TBC1D1: variants seen among roughly 807,000 people sequenced by gnomAD.
TBC1D1 encodes TBC1 (tre-2/USP6, BUB2, cdc16) domain family, member 1.
TBC1D1 carries 89 observed loss-of-function variants against 125.6 expected under a neutral mutation model. That is an observed-to-expected ratio of 0.71 (90% CI 0.60 to 0.85). The LOEUF is 0.85. Ranked by LOEUF, TBC1D1 falls within the 40% of genes least tolerant of loss-of-function variation. The pLI is 0.00. For synonymous variants in TBC1D1, 565 were observed against 564.1 expected, an observed-to-expected ratio of 1.00 and a Z score of -0.02; for missense variants, 1,377 against 1,469.2, an observed-to-expected ratio of 0.94 and a Z score of 1.03.
In TBC1D1 at chr4:37,952,392, T is replaced by C. The variant is rs529729258; in HGVS notation, c.417+49880T>C. The C allele has an allele frequency of 7.3e-4, 251 of 345,214 alleles. 3 individuals carry two copies. The highest frequency in any genetic ancestry group is 4.9e-3 in the African/African-American group (237 of 47,960). 21.4% of individuals were successfully genotyped at this position (345,214 alleles called of 1,614,324 possible). ...CTCAGTCAATCCAAGTGTCCATCAA[T>C]GGTAGACTGGATAAAGAAAATGTGG... On this transcript the variant is annotated intron_variant, in intron 2 of 19. Transcript: ENST00000261439.
At chr4:37,965,345 T>G (rs1380840740) in intron 2 of TBC1D1, among the ~76,000 whole-genome samples, 1 of 152,198 alleles carries the variant, frequency 6.6e-6, no homozygotes, top group African/African-American at 2.4e-5. Context: ...GTTTGCTGGT[T>G]TTAGCAGTGT....
intron 2 of TBC1D1, chr4:37,960,362 A>T: frequency 1.5e-6 from 2 of 1,334,464 alleles, no homozygotes; most frequent in South Asian, 2.8e-5. Flanking sequence ...ACTATAGTTA[A>T]CATTCTATCT....
rs397773449 is a variant in TBC1D1 at position 38,119,516 on chromosome 4, T to TA, written c.2962+1337dup. ...AGTTCATGAAGGTTTATACCATGGT[T>TA]AAAAAAAAAAAAAGATTAACTAAAA... On this transcript the variant is annotated intron_variant, in intron 17 of 19. Transcript: ENST00000261439. Among the ~76,000 whole-genome samples the TA allele has an allele frequency of 4.3e-3, 617 of 144,398 alleles. 2 individuals are homozygous for TA. The highest frequency in any genetic ancestry group is 0.014 in the Middle Eastern group (4 of 278). The allele number at this position is 144,398 out of a possible 152,430, so 94.7% of individuals were successfully genotyped here.
At chr4:38,079,012 G>A (rs1756084000) in intron 12 of TBC1D1, among the ~76,000 whole-genome samples, 1 of 152,130 alleles carries the variant, frequency 6.6e-6, no homozygotes, top group Non-Finnish European at 1.5e-5. Flanking sequence ...AAGCAGAAAG[G>A]CCCTGAGATA....
In TBC1D1 at chr4:37,968,169, G is replaced by A. The variant is rs560491236; in HGVS notation, c.418-46340G>A. Among the ~76,000 whole-genome samples the A allele has an allele frequency of 6.6e-5, 10 of 152,230 alleles. No individual in the cohort carries two copies. In the East Asian group the frequency reaches 1.7e-3, roughly 26 times the overall value. ...TGAATTGATTGCTAATGAAGAGATA[G>A]ACCTATGTCATAAGTAAATTTCTGT... On this transcript the variant is annotated intron_variant, in intron 2 of 19. Coordinates refer to ENST00000261439, the MANE Select transcript of TBC1D1 (RefSeq NM_015173.4).
At chr4:37,931,828 G>T (rs1369042496) in intron 2 of TBC1D1, among the ~76,000 whole-genome samples, 2 of 152,104 alleles carry the variant, frequency 1.3e-5, no homozygotes, top group African/African-American at 4.8e-5. Context: ...AAGAAGTTTT[G>T]CAAACTCATC....
chr4:37,982,711 A>AG lies in TBC1D1; in HGVS notation c.418-31797dup, dbSNP rs1734582956. On this transcript the variant is annotated intron_variant, in intron 2 of 19. Transcript: ENST00000261439. ...ACACAGCCCAGAGCAATGCCTGATG[A>AG]GAAAAAAAGATAAAGTATAATTTGT... Among the ~76,000 whole-genome samples the AG allele has an allele frequency of 2.6e-5, 4 of 152,362 alleles. No homozygotes were observed. The South Asian group carries it at 8.3e-4, about 32-fold the overall frequency.
At chr4:37,976,868 C>T (rs1254575699) in intron 2 of TBC1D1, among the ~76,000 whole-genome samples, 2 of 152,328 alleles carry the variant, frequency 1.3e-5, no homozygotes, top group East Asian at 3.9e-4. Context: ...GGCCGAGTTT[C>T]CTGACTCCAA....
At chr4:37,959,908 T>C (rs1382525912) in intron 2 of TBC1D1, among the ~76,000 whole-genome samples, 3 of 152,180 alleles carry the variant, frequency 2.0e-5, no homozygotes, top group Non-Finnish European at 4.4e-5. Context: ...TAGATCAGAG[T>C]TGGCAAAAGG....
chr4:37,912,443 T>C (rs1404508342), intron 2 of TBC1D1, among the ~76,000 whole-genome samples: 1 of 152,220 alleles, frequency 6.6e-6, no homozygotes, highest in Non-Finnish European at 1.5e-5. Context: ...ACAACTTGCA[T>C]GGTCAGAGAT....
chr4:38,070,268 A>G (rs909863004), intron 12 of TBC1D1, among the ~76,000 whole-genome samples: 1 of 152,220 alleles, frequency 6.6e-6, no homozygotes, highest in South Asian at 2.1e-4. Flanking sequence ...CTCTGCTAGG[A>G]TCAACATTTG....
chr4:38,089,674 A>C (rs545869827), intron 12 of TBC1D1, among the ~76,000 whole-genome samples: 1 of 152,358 alleles, frequency 6.6e-6, no homozygotes, highest in South Asian at 2.1e-4. Context: ...AGGAGATAAA[A>C]ATATTACACC....
At chr4:38,070,213 T>C (rs1754468050) in intron 12 of TBC1D1, among the ~76,000 whole-genome samples, 1 of 152,272 alleles carries the variant, frequency 6.6e-6, no homozygotes, top group South Asian at 2.1e-4. Context: ...GAATTTCTTA[T>C]TACTAAAGTG....
chr4:38,113,582 C>T (rs902487205), intron 15 of TBC1D1, among the ~76,000 whole-genome samples: 3 of 152,192 alleles, frequency 2.0e-5, no homozygotes, highest in East Asian at 1.9e-4. Flanking sequence ...TGATACCAGA[C>T]GGAGGGGTCC....
At chr4:37,933,064 C>CA (rs1224566138) in intron 2 of TBC1D1, among the ~76,000 whole-genome samples, 3 of 146,998 alleles carry the variant, frequency 2.0e-5, no homozygotes, top group South Asian at 2.2e-4. Context: ...AACAAAAAAA[C>CA]AAAAAAACAA....
chr4:37,971,689 A>T (rs993293818), intron 2 of TBC1D1, among the ~76,000 whole-genome samples: 5 of 152,162 alleles, frequency 3.3e-5, no homozygotes, highest in African/African-American at 4.8e-5. Context: ...ATATATATAT[A>T]TTTTAAAGTA....
intron 2 of TBC1D1, among the ~76,000 whole-genome samples, chr4:37,947,173 T>C (rs756916594): frequency 6.6e-6 from 1 of 152,210 alleles, no homozygotes; most frequent in African/African-American, 2.4e-5. Context: ...TTATTTATTT[T>C]TGAGACAGAG....
intron 18 of TBC1D1, among the ~76,000 whole-genome samples, chr4:38,131,813 C>G (rs1268561124): frequency 6.6e-6 from 1 of 152,206 alleles, no homozygotes; most frequent in Non-Finnish European, 1.5e-5. Context: ...ACAATTCTCT[C>G]TCTCCCTCTT....
intron 15 of TBC1D1, among the ~76,000 whole-genome samples, chr4:38,107,577 G>GTTTTTTTTT (rs3038351): frequency 3.0e-4 from 16 of 53,086 alleles, no homozygotes; most frequent in Non-Finnish European, 3.1e-4. Context: ...GTCTAAACAG[G>GTTTTTTTTT]TTTTTTTTTT....
Sources: allele counts gnomAD v4.1 joint callset (sites outside exome capture counted in the v4.1 genomes callset), GRCh38; gene constraint gnomAD v4.1.1; transcripts MANE v1.5; gene names NCBI Gene and HGNC (gene_info 2026-07-23, HGNC 2026-07-21).